Variants in NAPG observed in about 807,000 individuals in gnomAD.
The protein encoded by NAPG is gamma-soluble NSF attachment protein.
NAPG carries 25 observed loss-of-function variants against 48.4 expected under a neutral mutation model. The ratio of observed to expected loss-of-function variants is 0.52; its 90% CI spans 0.38 to 0.72. The LOEUF (loss-of-function observed/expected upper bound fraction) is 0.72, where lower values mean the gene tolerates loss of function less well. NAPG is among the 30% of genes least tolerant of loss of function. NAPG has a pLI of 0.00. For missense variants in NAPG, 359 were observed against 372.5 expected (o/e 0.96, Z 0.30); for synonymous variants, 139 against 127.2 (o/e 1.09, Z -0.62).
intron 1 of NAPG, 26 bp downstream of exon 1, chr18:10,526,184 G>A (rs766048251): frequency 4.4e-6 from 7 of 1,592,048 alleles, no homozygotes; most frequent in African/African-American, 1.3e-5. Flanking sequence ...CCGGGGGCCT[G>A]TGTGTAGACG....
At chr18:10,532,572 A>C in intron 2 of NAPG, 139 bp from the exon 3 acceptor site, 1 of 539,970 alleles carries the variant, frequency 1.9e-6, no homozygotes, top group Non-Finnish European at 3.0e-6. Flanking sequence ...AGAAAAAAGT[A>C]ATATTTTATA....
intron 8 of NAPG, among the ~76,000 whole-genome samples, chr18:10,541,486 G>T (rs887045220): frequency 6.6e-6 from 1 of 152,166 alleles, no homozygotes; most frequent in Non-Finnish European, 1.5e-5. Flanking sequence ...GTTTGTTACA[G>T]CAGCAGAGCT....
At chr18:10,535,990 G>C (rs1039590083) in intron 5 of NAPG, among the ~76,000 whole-genome samples, 2 of 152,108 alleles carry the variant, frequency 1.3e-5, no homozygotes, top group African/African-American at 4.8e-5. Context: ...ATTTTCCTCT[G>C]AGAATTAGGA....
intron 5 of NAPG, among the ~76,000 whole-genome samples, chr18:10,535,131 T>C (rs959891648): frequency 1.3e-5 from 2 of 152,242 alleles, no homozygotes; most frequent in African/African-American, 4.8e-5. Context: ...TAAAAATGTT[T>C]TTTTCTAAAA....
At position 10,550,166 on chromosome 18, in the gene NAPG, C is replaced by A. The variant is rs1040177066; in HGVS notation, c.885C>A (p.Val295=). ...PATPQAKPDG[V]TATAADEEED... is the part of the protein sequence containing the mutation. ...CACCACAGGCCAAGCCTGATGGTGT[C>A]ACTGCCACGGCTGCTGATGAAGAGG... Residue 295 remains valine (V), a synonymous_variant, in exon 12 of 12, where the codon GTC becomes GTA. Transcript: ENST00000322897. 1.9e-6 allele frequency: 3 copies of A among 1,588,446 alleles called. No individual in the cohort carries two copies. The highest frequency in any genetic ancestry group is 2.4e-5 in the East Asian group (1 of 42,286).
intron 1 of NAPG, 150 bp from the exon 2 acceptor site, chr18:10,530,620 G>A: frequency 2.1e-6 from 1 of 470,156 alleles, no homozygotes; most frequent in Non-Finnish European, 3.6e-6. Flanking sequence ...TTAGGCCTAA[G>A]TTTGGATGGA....
chr18:10,551,838 TAATA>T lies in NAPG; in HGVS notation c.*1622_*1625del, dbSNP rs1227147717. The stretch of plus-strand genomic sequence containing the variant: ...TTATTGTAAGTCTGATACAAAATGC[TAATA>T]AATTTAATGTTTTTCTTCCTTAATT... On this transcript the variant is annotated 3_prime_UTR_variant, in exon 12 of 12. Coordinates refer to ENST00000322897, the MANE Select transcript of NAPG (RefSeq NM_003826.3). 6.6e-6 allele frequency: 1 copy of T among 152,248 alleles called. No homozygotes were observed. Among genetic ancestry groups the T allele is most frequent in the Admixed American group, 6.5e-5 (1 of 15,288 alleles). 9.4% of individuals were successfully genotyped at this position (152,248 alleles called of 1,614,324 possible).
rs531796115 is a variant in NAPG at position 10,547,025 on chromosome 18, G to A, written c.585+621G>A. On this transcript the variant is annotated intron_variant, in intron 9 of 11. Coordinates refer to ENST00000322897, the MANE Select transcript of NAPG (RefSeq NM_003826.3). ...TTCCGGAAAGGAGAGAGCTGGAAAC[G>A]GAGTCCCCTGAGTGTGGATGTGGCC... Among the ~76,000 whole-genome samples the A allele has an allele frequency of 4.6e-5, 7 of 152,304 alleles. No homozygotes were observed. In the South Asian group the frequency reaches 1.0e-3, roughly 23 times the overall value.
In NAPG at chr18:10,526,493, C is replaced by T. The variant is rs184735661; in HGVS notation, c.56+335C>T. ...AAGATTGTGGTGGGGGCTGTCTGTG[C>T]ATCGGAGGCTCGTTAGCAGCATCCT... On this transcript the variant is annotated intron_variant, in intron 1 of 11. Coordinates refer to ENST00000322897, the MANE Select transcript of NAPG (RefSeq NM_003826.3). 6 of 316,788 alleles carry T rather than the reference C, an allele frequency of 1.9e-5. No individual in the cohort carries two copies. The East Asian group carries it at 2.7e-4, about 14-fold the overall frequency. The allele number at this position is 316,788 out of a possible 1,614,324, so 19.6% of individuals were successfully genotyped here. A position where few individuals can be genotyped will look rare whatever the true frequency, so the allele number is the denominator to read the frequency against.
rs1279711955 is a variant in NAPG at position 10,543,641 on chromosome 18, GAC to G, written c.507-2683_507-2682del. ...AGCTTGGGGATGAATGAGGTTCTGT[GAC>G]AGTTTTCTGCCATTTGCACATAACT... On this transcript the variant is annotated intron_variant, in intron 8 of 11. Transcript: ENST00000322897. This position sits in a 1 kb window ranked among gnomAD's most constrained non-coding sequence, Gnocchi z 4.4. Among the ~76,000 whole-genome samples the G allele has an allele frequency of 6.6e-6, 1 of 152,188 alleles. No individual in the cohort carries two copies. Among genetic ancestry groups the G allele is most frequent in the Non-Finnish European group, 1.5e-5 (1 of 68,030 alleles).
Position 10,543,153 on chromosome 18 carries a change from AAAG to A in NAPG, c.506+2757_506+2759del, listed in dbSNP as rs1484639553. 5.3e-5 allele frequency among the ~76,000 whole-genome samples: 8 copies of A among 151,950 alleles called. No individual in the cohort carries two copies. Among genetic ancestry groups the A allele is most frequent in the Non-Finnish European group, 1.0e-4 (7 of 67,960 alleles). On this transcript the variant is annotated intron_variant, in intron 8 of 11. Transcript: ENST00000322897. This position sits in a 1 kb window ranked among gnomAD's most constrained non-coding sequence, Gnocchi z 4.4. ...CCCATCTCAAAAAAAAAAAAAAAGAAAAGAAAAGAAAAAAAGACCTTTCCAGCA... is the reference window on the plus strand; with the variant it reads ...CCCATCTCAAAAAAAAAAAAAAAGAAAAAAGAAAAAAAGACCTTTCCAGCA...
intron 9 of NAPG, among the ~76,000 whole-genome samples, chr18:10,547,682 AAGAT>A (rs565263352): frequency 8.7e-4 from 133 of 152,326 alleles, no homozygotes; most frequent in Non-Finnish European, 1.6e-3. Context: ...TGTGAACTTA[AAGAT>A]AGATCAGTAA....
Position 10,534,065 on chromosome 18 carries a change from T to C in NAPG, c.228-401T>C, listed in dbSNP as rs2031983548. On this transcript the variant is annotated intron_variant, in intron 4 of 11. Transcript: ENST00000322897. This position sits in a 1 kb window ranked among gnomAD's most constrained non-coding sequence, Gnocchi z 5.0. ...GGGAGGCTGAGGCAGGAGACTTGCT[T>C]GAACCTGGGAGATGGAGGTTGCAGT... Among the ~76,000 whole-genome samples the C allele has an allele frequency of 6.6e-6, 1 of 152,164 alleles. No individual in the cohort carries two copies. Among genetic ancestry groups the C allele is most frequent in the South Asian group, 2.1e-4 (1 of 4,822 alleles).
At chr18:10,526,516 C>T (rs1291908005) in intron 1 of NAPG, 5 of 266,382 alleles carry the variant, frequency 1.9e-5, no homozygotes, top group South Asian at 6.3e-5. Flanking sequence ...TTAGCAGCAT[C>T]CTTGGCCTCT....
At chr18:10,535,890 G>A (rs1411533068) in intron 5 of NAPG, among the ~76,000 whole-genome samples, 11 of 152,218 alleles carry the variant, frequency 7.2e-5, no homozygotes, top group Admixed American at 3.9e-4. Flanking sequence ...GGTGCCGCAA[G>A]TTAGGTTATT....
rs115063690 is a variant in NAPG, at chr18:10,532,896, G to A, written c.209+101G>A. ...TACTTTACTACCTGTGAAGTAAAATGTTTTTAAATTAGAAAATGATTAGAA... is the reference window on the plus strand; with the variant it reads ...TACTTTACTACCTGTGAAGTAAAATATTTTTAAATTAGAAAATGATTAGAA... On this transcript the variant is annotated intron_variant, in intron 3 of 11. Coordinates refer to ENST00000322897, the MANE Select transcript of NAPG (RefSeq NM_003826.3). 6,005 of 1,003,410 alleles carry A rather than the reference G, an allele frequency of 6.0e-3. 240 individuals carry two copies. In the African/African-American group the frequency reaches 0.087, roughly 14 times the overall value. The allele number at this position is 1,003,410 out of a possible 1,614,324, so 62.2% of individuals were successfully genotyped here. A position where few individuals can be genotyped will look rare whatever the true frequency, so the allele number is the denominator to read the frequency against.
chr18:10,547,519 A>C (rs907709830), intron 9 of NAPG, among the ~76,000 whole-genome samples: 1 of 152,212 alleles, frequency 6.6e-6, no homozygotes, highest in Non-Finnish European at 1.5e-5. Context: ...AATTAAAATG[A>C]ATAGAAAAGA....
chr18:10,527,549 C>CA (rs1326785933), intron 1 of NAPG, among the ~76,000 whole-genome samples: 1 of 152,076 alleles, frequency 6.6e-6, no homozygotes, highest in Non-Finnish European at 1.5e-5. Context: ...ATAGGGACCA[C>CA]AAAAAAGCTG....
chr18:10,547,302 T>C (rs1480320243), intron 9 of NAPG, among the ~76,000 whole-genome samples: 1 of 152,228 alleles, frequency 6.6e-6, no homozygotes, highest in African/African-American at 2.4e-5. Context: ...TGAAAACATC[T>C]GTACTCTCCT....
Sources: gnomAD v4.1 joint callset for allele counts (sites outside exome capture counted in the v4.1 genomes callset) on GRCh38, gnomAD v4.1.1 for gene constraint, Gnocchi (gnomAD v3.1) non-coding constraint, MANE v1.5 for transcripts, NCBI Gene and HGNC (gene_info 2026-07-23, HGNC 2026-07-21) for gene names.